Variants in PTK2 observed in about 807,000 individuals in gnomAD.
The protein encoded by PTK2 is focal adhesion kinase 1.
A neutral mutation model predicts 150.1 loss-of-function variants in PTK2; 45 were observed. The observed-to-expected ratio is 0.30, with a 90% CI of 0.24 to 0.38. PTK2 has a LOEUF of 0.38. Among genes scored for constraint, PTK2 ranks in the 10% least tolerant of loss-of-function variants. The pLI, the probability that PTK2 is intolerant of heterozygous loss-of-function variation, is 1.00. For missense variants in PTK2, 919 were observed against 1,307.3 expected, an observed-to-expected ratio of 0.70 and a Z score of 4.58; for synonymous variants, 432 against 449.2, an observed-to-expected ratio of 0.96 and a Z score of 0.48.
chr8:140,749,763 A>T (rs975957925), intron 17 of PTK2, among the ~76,000 whole-genome samples: 2 of 152,212 alleles, frequency 1.3e-5, no homozygotes, highest in African/African-American at 4.8e-5. Flanking sequence ...AGCCTGGTAA[A>T]GCCCTACAGA....
intron 17 of PTK2, among the ~76,000 whole-genome samples, chr8:140,747,867 G>T (rs1426290637): frequency 6.6e-6 from 1 of 152,136 alleles, no homozygotes; most frequent in Non-Finnish European, 1.5e-5. Flanking sequence ...ATGTGACCTT[G>T]GGGTAGCTTC....
intron 14 of PTK2, among the ~76,000 whole-genome samples, chr8:140,766,630 C>T (rs2100072437): frequency 6.6e-6 from 1 of 152,156 alleles, no homozygotes. Flanking sequence ...CAGAGAAGGT[C>T]CCTCAAGAAA....
intron 7 of PTK2, among the ~76,000 whole-genome samples, chr8:140,831,160 A>T (rs999527441): frequency 6.6e-6 from 1 of 152,260 alleles, no homozygotes; most frequent in Non-Finnish European, 1.5e-5. Context: ...CAACAAAATT[A>T]AATTGATCAT....
At chr8:140,844,270 A>C (rs546583677) in intron 7 of PTK2, among the ~76,000 whole-genome samples, 1 of 152,280 alleles carries the variant, frequency 6.6e-6, no homozygotes, top group Non-Finnish European at 1.5e-5. Context: ...CTGTAAAATT[A>C]CTTTTTCCCC....
chr8:140,698,214 A>G (rs954601466), intron 26 of PTK2, among the ~76,000 whole-genome samples: 1 of 152,126 alleles, frequency 6.6e-6, no homozygotes. Flanking sequence ...CAGTACCACA[A>G]CATTTGGTAG....
chr8:140,873,218 A>G (rs971061828), intron 4 of PTK2, among the ~76,000 whole-genome samples: 2 of 152,236 alleles, frequency 1.3e-5, no homozygotes, highest in Admixed American at 1.3e-4. Context: ...TCACCAATTT[A>G]TTAAAACATT....
intron 10 of PTK2, 32 bp from the exon 11 acceptor site, chr8:140,803,682 A>G (rs754392797): frequency 3.8e-6 from 6 of 1,563,692 alleles, no homozygotes; most frequent in Non-Finnish European, 5.3e-6. Context: ...TCTTTAGACT[A>G]CGGATAAAAA....
chr8:140,941,793 C>A (rs1485839499), intron 1 of PTK2, among the ~76,000 whole-genome samples: 1 of 152,132 alleles, frequency 6.6e-6, no homozygotes, highest in Non-Finnish European at 1.5e-5. Context: ...GCAGCCTCGA[C>A]CCCTCAGGCT....
At chr8:140,738,249 T>C (rs939567042) in intron 21 of PTK2, among the ~76,000 whole-genome samples, 5 of 152,074 alleles carry the variant, frequency 3.3e-5, no homozygotes, top group Admixed American at 2.6e-4. Flanking sequence ...GAGGGTTAGG[T>C]AGGATTTCAA....
chr8:140,861,732 C>A (rs2100136212), intron 5 of PTK2, among the ~76,000 whole-genome samples: 1 of 152,126 alleles, frequency 6.6e-6, no homozygotes, highest in Non-Finnish European at 1.5e-5. Context: ...CAATTAAGCA[C>A]AAAGAGACTC....
chr8:140,672,230 T>C (rs2095634623), intron 29 of PTK2: 2 of 428,998 alleles, frequency 4.7e-6, no homozygotes, highest in Admixed American at 5.3e-5. Context: ...GGTCTCACTA[T>C]GTTGCGCAGG....
At chr8:140,797,035 G>A (rs2100092024) in intron 12 of PTK2, among the ~76,000 whole-genome samples, 1 of 152,004 alleles carries the variant, frequency 6.6e-6, no homozygotes, top group Admixed American at 6.6e-5. Flanking sequence ...TCCTCCTCAG[G>A]TCAGTGGTTT....
chr8:140,959,016 T>C (rs995517019), intron 1 of PTK2, among the ~76,000 whole-genome samples: 3 of 152,212 alleles, frequency 2.0e-5, no homozygotes, highest in African/African-American at 7.2e-5. Context: ...TGTCAATTTG[T>C]CACAGATCAA....
At chr8:140,725,196 C>T (rs1172516510) in intron 22 of PTK2, among the ~76,000 whole-genome samples, 6 of 149,878 alleles carry the variant, frequency 4.0e-5, no homozygotes, top group South Asian at 2.1e-4. Context: ...TGCAGTGGCT[C>T]GATCACGGCT....
intron 7 of PTK2, among the ~76,000 whole-genome samples, chr8:140,839,931 A>C (rs576435232): frequency 2.4e-4 from 36 of 152,358 alleles, no homozygotes; most frequent in Middle Eastern, 6.8e-3. Flanking sequence ...AAGAAAGAGC[A>C]ACCATAAAGA....
intron 7 of PTK2, among the ~76,000 whole-genome samples, chr8:140,845,035 G>A (rs10217101): frequency 8.6e-4 from 131 of 152,142 alleles, no homozygotes; most frequent in African/African-American, 3.0e-3. Context: ...CTCTACCTCT[G>A]CTAGCCCGTG....
At chr8:141,000,424 C>G (rs993635104) in intron 1 of PTK2, among the ~76,000 whole-genome samples, 1 of 152,178 alleles carries the variant, frequency 6.6e-6, no homozygotes, top group Non-Finnish European at 1.5e-5. Context: ...AGGCCGCGCC[C>G]GGGGGACGGA....
chr8:140,764,267 T>C, exon 15 of PTK2: 1 of 1,611,132 alleles, frequency 6.2e-7, no homozygotes. Flanking sequence ...TCTTCATCTA[T>C]AATCTCAGCA....
exon 20 of PTK2, chr8:140,743,231 T>G: frequency 6.3e-7 from 1 of 1,583,688 alleles, no homozygotes; most frequent in Non-Finnish European, 8.7e-7. Flanking sequence ...ATTTCTTACC[T>G]TTGTAGTAAG....
Sources: gnomAD v4.1 joint callset for allele counts (sites outside exome capture counted in the v4.1 genomes callset) on GRCh38, gnomAD v4.1.1 for gene constraint, MANE v1.5 for transcripts, NCBI Gene and HGNC (gene_info 2026-07-23, HGNC 2026-07-21) for gene names.